The following WNT2B variants were observed in gnomAD, a reference collection of about 807,000 sequenced individuals.
The protein encoded by WNT2B is Wnt family member 2B, also known as protein Wnt-2b.
A neutral mutation model predicts 40.5 loss-of-function variants in WNT2B; 19 were observed. The observed-to-expected ratio is 0.47, with a 90% confidence interval of 0.33 to 0.69. The LOEUF is 0.69. Ranked by LOEUF, WNT2B falls within the 30% of genes least tolerant of loss-of-function variation. The pLI is 0.02. For synonymous variants in WNT2B, 220 were observed against 211.9 expected, an observed-to-expected ratio of 1.04 and a Z score of -0.33; for missense variants, 467 against 556.4, an observed-to-expected ratio of 0.84 and a Z score of 1.62.
intron 3 of WNT2B, among the ~76,000 whole-genome samples, chr1:112,516,709 G>T (rs571216433): frequency 9.2e-5 from 14 of 152,180 alleles, no homozygotes; most frequent in African/African-American, 3.4e-4. Flanking sequence ...AGGATAAGAG[G>T]TTGTTCTAGT....
At chr1:112,511,510 G>A (rs1652349096) in intron 1 of WNT2B, among the ~76,000 whole-genome samples, 1 of 152,202 alleles carries the variant, frequency 6.6e-6, no homozygotes, top group South Asian at 2.1e-4. Context: ...TACAACCCGT[G>A]GAAGAGAAAT....
chr1:112,507,567 G>A (rs1012894641), upstream of WNT2B, among the ~76,000 whole-genome samples: 4 of 152,062 alleles, frequency 2.6e-5, no homozygotes, highest in East Asian at 1.9e-4. Context: ...GAGGTTAAAG[G>A]TTCCTCTGAA....
intron 1 of WNT2B, among the ~76,000 whole-genome samples, chr1:112,493,614 C>T (rs1651673263): frequency 6.6e-6 from 1 of 151,510 alleles, no homozygotes; most frequent in Non-Finnish European, 1.5e-5. Context: ...GGAGCAAGAC[C>T]CTATCTCAAA....
At position 112,525,811 on chromosome 1, in the gene WNT2B, C is replaced by A; in HGVS notation, c.*5302C>A. 1.7e-6 allele frequency: 1 copy of A among 592,430 alleles called. No homozygotes were observed. Among genetic ancestry groups the A allele is most frequent in the Non-Finnish European group, 2.7e-6 (1 of 368,998 alleles). 36.7% of individuals were successfully genotyped at this position (592,430 alleles called of 1,614,324 possible). A position where few individuals can be genotyped will look rare whatever the true frequency, so the allele number is the denominator to read the frequency against. ...GAAGAAAAAAGGAAGACAATTTCAT[C>A]TACAGTTGTCCTTTTTGACAGCTTC... is the stretch of plus-strand genomic sequence containing the variant. On this transcript the variant is annotated 3_prime_UTR_variant, in exon 5 of 5. Transcript: ENST00000369684.
chr1:112,501,154 C>T (rs1651939093), intron 1 of WNT2B, among the ~76,000 whole-genome samples: 1 of 152,116 alleles, frequency 6.6e-6, no homozygotes, highest in African/African-American at 2.4e-5. Flanking sequence ...TAGAATGTCC[C>T]CCTGGTGGAA....
chr1:112,507,061 T>C (rs1338222895), upstream of WNT2B, among the ~76,000 whole-genome samples: 4 of 152,206 alleles, frequency 2.6e-5, no homozygotes, highest in Non-Finnish European at 5.9e-5. Flanking sequence ...TTTGGGTCCC[T>C]GTACGGGCTC....
At chr1:112,498,630 G>T (rs1185997786) in intron 1 of WNT2B, among the ~76,000 whole-genome samples, 2 of 151,892 alleles carry the variant, frequency 1.3e-5, no homozygotes, top group African/African-American at 4.8e-5. Flanking sequence ...ACACGGTCAA[G>T]TTCTTTGCCA....
At chr1:112,510,726 T>C (rs1305489681) in intron 1 of WNT2B, among the ~76,000 whole-genome samples, 4 of 151,082 alleles carry the variant, frequency 2.6e-5, no homozygotes, top group African/African-American at 4.9e-5. Context: ...CTCTGCAGTG[T>C]TGGGGAAGGC....
At chr1:112,486,246 C>T (rs1173984436) in intron 1 of WNT2B, among the ~76,000 whole-genome samples, 1 of 151,958 alleles carries the variant, frequency 6.6e-6, no homozygotes, top group South Asian at 2.1e-4. Context: ...AGTTTGAGGC[C>T]AGCCTGGGCA....
At chr1:112,484,167 ATAT>A (rs1458653146) in intron 1 of WNT2B, among the ~76,000 whole-genome samples, 2 of 146,540 alleles carry the variant, frequency 1.4e-5, no homozygotes, top group Admixed American at 6.9e-5. Flanking sequence ...AATAAATTAT[ATAT>A]ATCATTTTTA....
intron 1 of WNT2B, among the ~76,000 whole-genome samples, chr1:112,472,869 G>A (rs181534293): frequency 2.0e-5 from 3 of 151,610 alleles, no homozygotes; most frequent in Admixed American, 6.6e-5. Context: ...AGGCTGAGGT[G>A]GGAGGATCAC....
At chr1:112,506,251 G>A (rs978279481), upstream of WNT2B, among the ~76,000 whole-genome samples, 5 of 152,112 alleles carry the variant, frequency 3.3e-5, no homozygotes, top group South Asian at 4.1e-4. Flanking sequence ...CTCCCAACTC[G>A]GCCTCCCAAT....
At chr1:112,472,087 T>C (rs184850510) in intron 1 of WNT2B, among the ~76,000 whole-genome samples, 27 of 152,258 alleles carry the variant, frequency 1.8e-4, no homozygotes, top group African/African-American at 5.5e-4. Flanking sequence ...TTAAGCCAAA[T>C]ATATTAAAGA....
At chr1:112,471,438 T>G (rs1176092940) in intron 1 of WNT2B, among the ~76,000 whole-genome samples, 1 of 152,226 alleles carries the variant, frequency 6.6e-6, no homozygotes, top group African/African-American at 2.4e-5. Flanking sequence ...TCTGTTGAAC[T>G]CCAGTGTTCT....
In WNT2B at chr1:112,520,872, G is replaced by A. The variant is rs1570804996; in HGVS notation, c.*363G>A. 1 of 243,296 alleles carries A rather than the reference G, an allele frequency of 4.1e-6. No individual in the cohort carries two copies. Among genetic ancestry groups the A allele is most frequent in the Non-Finnish European group, 8.0e-6 (1 of 125,408 alleles). The allele number at this position is 243,296 out of a possible 1,614,324, so 15.1% of individuals were successfully genotyped here. ...ATACTTCTTGGTGTGCAAGAGGAAGGGTACCTGTAGAGAGCTTCTTTTTGT... is the reference window on the plus strand; with the variant it reads ...ATACTTCTTGGTGTGCAAGAGGAAGAGTACCTGTAGAGAGCTTCTTTTTGT... On this transcript the variant is annotated 3_prime_UTR_variant, in exon 5 of 5. Coordinates refer to ENST00000369684, the MANE Select transcript of WNT2B (RefSeq NM_024494.3).
intron 1 of WNT2B, among the ~76,000 whole-genome samples, chr1:112,476,394 T>C (rs1651054571): frequency 6.6e-6 from 1 of 151,512 alleles, no homozygotes; most frequent in South Asian, 2.1e-4. Flanking sequence ...ACCAAGATGG[T>C]GGATGAGAAG....
chr1:112,521,247 TA>T lies in WNT2B; in HGVS notation c.*742del, dbSNP rs1457341773. The T allele has an allele frequency of 1.3e-5, 2 of 152,102 alleles. No homozygotes were observed. Among genetic ancestry groups the T allele is most frequent in the African/African-American group, 4.8e-5 (2 of 41,360 alleles). The allele number at this position is 152,102 out of a possible 1,614,324, so 9.4% of individuals were successfully genotyped here. A position where few individuals can be genotyped will look rare whatever the true frequency, so the allele number is the denominator to read the frequency against. ...GTGGTTCCCATGCTTAACAAATCAT[TA>T]AAACACCCTAGAACACTCCTAGGAT... On this transcript the variant is annotated 3_prime_UTR_variant, in exon 5 of 5. Coordinates refer to ENST00000369684, the MANE Select transcript of WNT2B (RefSeq NM_024494.3).
chr1:112,471,690 A>C (rs1650885484), intron 1 of WNT2B, among the ~76,000 whole-genome samples: 1 of 152,338 alleles, frequency 6.6e-6, no homozygotes, highest in East Asian at 1.9e-4. Flanking sequence ...ATGAAGCAGC[A>C]GTGCCAAAGG....
At chr1:112,472,104 C>T (rs552423793) in intron 1 of WNT2B, among the ~76,000 whole-genome samples, 11 of 152,228 alleles carry the variant, frequency 7.2e-5, no homozygotes, top group Admixed American at 2.0e-4. Flanking sequence ...AAGACATTGA[C>T]GATCAGACAA....
Sources: gnomAD v4.1 joint callset for allele counts (sites outside exome capture counted in the v4.1 genomes callset) on GRCh38, gnomAD v4.1.1 for gene constraint, MANE v1.5 for transcripts, NCBI Gene and HGNC (gene_info 2026-07-23, HGNC 2026-07-21) for gene names.